The following FHOD3 variants were observed in gnomAD, a reference collection of about 807,000 sequenced individuals.
The protein encoded by FHOD3 is FH1/FH2 domain-containing protein 3.
FHOD3 carries 90 observed loss-of-function variants against 173.0 expected under a neutral mutation model. The ratio of observed to expected loss-of-function variants is 0.52; its 90% CI spans 0.44 to 0.62. FHOD3 has a LOEUF of 0.62. Among genes scored for constraint, FHOD3 ranks in the 20% least tolerant of loss-of-function variants. The pLI is 0.00. For missense variants in FHOD3, 1,945 were observed against 2,034.7 expected, an observed-to-expected ratio of 0.96 and a Z score of 0.85; for synonymous variants, 828 against 823.0, an observed-to-expected ratio of 1.01 and a Z score of -0.10.
At chr18:36,386,538 G>T (rs1346134914) in intron 3 of FHOD3, among the ~76,000 whole-genome samples, 1 of 152,262 alleles carries the variant, frequency 6.6e-6, no homozygotes, top group Admixed American at 6.5e-5. Flanking sequence ...GCCCAGGCCA[G>T]TGTGAGTCAC....
intron 1 of FHOD3, among the ~76,000 whole-genome samples, chr18:36,346,666 C>T (rs1398756481): frequency 1.3e-5 from 2 of 152,172 alleles, no homozygotes; most frequent in African/African-American, 4.8e-5. Context: ...ATTGTCCAAG[C>T]CACATTGAAA....
chr18:36,708,173 C>A (rs2039986384), intron 17 of FHOD3, among the ~76,000 whole-genome samples: 3 of 152,172 alleles, frequency 2.0e-5, no homozygotes, highest in Non-Finnish European at 2.9e-5. Flanking sequence ...ATCATCTTAC[C>A]TCAGTGACAG....
intron 5 of FHOD3, among the ~76,000 whole-genome samples, chr18:36,549,856 A>T (rs1337476471): frequency 6.6e-6 from 1 of 151,758 alleles, no homozygotes; most frequent in Non-Finnish European, 1.5e-5. Context: ...CCATGGCCAG[A>T]TCTAAGAAAT....
chr18:36,709,512 T>C, intron 18 of FHOD3, 121 bp downstream of exon 18: 1 of 1,084,398 alleles, frequency 9.2e-7, no homozygotes, highest in East Asian at 2.6e-5. Flanking sequence ...CCCACTCATG[T>C]GGCTGTGTCA....
At chr18:36,481,091 C>T (rs938441630) in intron 3 of FHOD3, among the ~76,000 whole-genome samples, 1 of 142,858 alleles carries the variant, frequency 7.0e-6, no homozygotes, top group Admixed American at 7.1e-5. Flanking sequence ...AAGGCATTCT[C>T]CAGCTGGTGT....
intron 5 of FHOD3, among the ~76,000 whole-genome samples, chr18:36,527,056 A>G (rs1215577389): frequency 1.3e-5 from 2 of 152,166 alleles, no homozygotes; most frequent in Non-Finnish European, 2.9e-5. Flanking sequence ...ACAAGCAGAT[A>G]TTCCCTGGAA....
At position 36,383,426 on chromosome 18, in the gene FHOD3, A is replaced by G. The variant is rs192874546; in HGVS notation, c.337+10682A>G. 5.6e-4 allele frequency among the ~76,000 whole-genome samples: 86 copies of G among 152,278 alleles called. 1 individual carries two copies. The highest frequency in any genetic ancestry group is 2.0e-3 in the African/African-American group (83 of 41,562). Reference sequence around the variant, plus strand: ...AAAGGTGCTTAACAGAGGTGATTCCATTTATCGTCCTGACACATACATTAT... The same window carrying G: ...AAAGGTGCTTAACAGAGGTGATTCCGTTTATCGTCCTGACACATACATTAT... On this transcript the variant is annotated intron_variant, in intron 3 of 28. Coordinates refer to ENST00000590592, the MANE Select transcript of FHOD3 (RefSeq NM_001281740.3).
At chr18:36,450,015 T>G (rs2051730530) in intron 3 of FHOD3, among the ~76,000 whole-genome samples, 1 of 152,124 alleles carries the variant, frequency 6.6e-6, no homozygotes, top group Non-Finnish European at 1.5e-5. Context: ...TTTAGTGCAC[T>G]TATCACTGGA....
chr18:36,491,455 A>T (rs1329061246), intron 3 of FHOD3, among the ~76,000 whole-genome samples: 2 of 152,186 alleles, frequency 1.3e-5, no homozygotes, highest in Non-Finnish European at 2.9e-5. Context: ...TTCACTCTTT[A>T]TGGTGTATAT....
intron 1 of FHOD3, among the ~76,000 whole-genome samples, chr18:36,311,464 C>T (rs1394675415): frequency 1.3e-5 from 2 of 152,138 alleles, no homozygotes; most frequent in Admixed American, 6.5e-5. Flanking sequence ...ACCTGAGCTC[C>T]GTGTTTCTAA....
intron 6 of FHOD3, among the ~76,000 whole-genome samples, chr18:36,590,017 C>T (rs567159906): frequency 2.6e-5 from 4 of 152,280 alleles, no homozygotes; most frequent in African/African-American, 9.6e-5. Context: ...GTCTGGGCCA[C>T]ACTGTGGTGT....
chr18:36,326,106 C>CAAAA (rs1374058939), intron 1 of FHOD3, among the ~76,000 whole-genome samples: 2 of 152,140 alleles, frequency 1.3e-5, no homozygotes, highest in Non-Finnish European at 2.9e-5. Context: ...GTGGTCAAGT[C>CAAAA]AAAATACAAA....
chr18:36,735,461 A>G (rs991664385), intron 20 of FHOD3, among the ~76,000 whole-genome samples: 1 of 152,198 alleles, frequency 6.6e-6, no homozygotes, highest in Non-Finnish European at 1.5e-5. Flanking sequence ...CCTATGAACT[A>G]TGGAGCTAGT....
chr18:36,373,900 G>T (rs1048352573), intron 3 of FHOD3, among the ~76,000 whole-genome samples: 2 of 152,184 alleles, frequency 1.3e-5, no homozygotes, highest in South Asian at 4.1e-4. Flanking sequence ...CTAAAGGAAA[G>T]GTCTGTGACA....
chr18:36,718,149 A>G lies in FHOD3; in HGVS notation c.2851A>G (p.Arg951Gly). Residue 951 changes from arginine (R) to glycine (G), a missense_variant, in exon 19 of 29, where the codon AGA becomes GGA. Coordinates refer to ENST00000590592, the MANE Select transcript of FHOD3 (RefSeq NM_001281740.3). ...AEKFNSGDLGRGSISPDAEPN... is the reference protein window; with the variant it reads ...AEKFNSGDLGGGSISPDAEPN... Reference sequence around the variant, plus strand: ...GAAATTCAACAGTGGGGACCTGGGGAGAGGTTCCATCTCCCCTGATGCTGA... The same window carrying G: ...GAAATTCAACAGTGGGGACCTGGGGGGAGGTTCCATCTCCCCTGATGCTGA... The G allele has an allele frequency of 6.2e-7, 1 of 1,608,740 alleles. No individual in the cohort carries two copies.
chr18:36,629,584 G>T (rs78435343), intron 10 of FHOD3, among the ~76,000 whole-genome samples: 14,548 of 152,172 alleles, frequency 0.096, 942 homozygotes, highest in Non-Finnish European at 0.14. Flanking sequence ...TTATGTGTGA[G>T]GGCTATGGGG....
chr18:36,337,883 G>A (rs1260426411), intron 1 of FHOD3, among the ~76,000 whole-genome samples: 5 of 152,150 alleles, frequency 3.3e-5, no homozygotes, highest in Admixed American at 2.0e-4. Flanking sequence ...TTGTTCTGGA[G>A]ACAGAATGGA....
At chr18:36,703,754 G>GTCCTCAGGCCGGCTCGT (rs2039715029) in intron 17 of FHOD3, among the ~76,000 whole-genome samples, 1 of 152,212 alleles carries the variant, frequency 6.6e-6, no homozygotes, top group Non-Finnish European at 1.5e-5. Context: ...GCTGGCCGAA[G>GTCCTCAGGCCGGCTCGT]TCCTCAGGCC....
At position 36,391,048 on chromosome 18, in the gene FHOD3, C is replaced by T. The variant is rs1411633864; in HGVS notation, c.337+18304C>T. Among the ~76,000 whole-genome samples the T allele has an allele frequency of 2.0e-5, 3 of 152,218 alleles. No individual in the cohort carries two copies. In the East Asian group the frequency reaches 5.8e-4, roughly 29 times the overall value. On this transcript the variant is annotated intron_variant, in intron 3 of 28. Coordinates refer to ENST00000590592, the MANE Select transcript of FHOD3 (RefSeq NM_001281740.3). ...CGATGGGTAATTAGGATTGAAGGGG[C>T]AGAAAGCCCAGCACTCCAACTGTAG...
Sources: gnomAD v4.1 joint callset for allele counts (sites outside exome capture counted in the v4.1 genomes callset) on GRCh38, gnomAD v4.1.1 for gene constraint, MANE v1.5 for transcripts, NCBI Gene and HGNC (gene_info 2026-07-23, HGNC 2026-07-21) for gene names.